TRIM67: variants seen among roughly 807,000 people sequenced by gnomAD.
TRIM67 encodes tripartite motif-containing protein 67.
TRIM67 carries 39 observed loss-of-function variants against 71.0 expected under a neutral mutation model. The ratio of observed to expected loss-of-function variants is 0.55; its 90% CI spans 0.43 to 0.72. The LOEUF is 0.72. Ranked by LOEUF, TRIM67 falls within the 30% of genes least tolerant of loss-of-function variation. The pLI, the probability that TRIM67 is intolerant of heterozygous loss-of-function variation, is 0.00. For synonymous variants in TRIM67, 481 were observed against 473.9 expected (o/e 1.01, Z -0.19); for missense variants, 973 against 1,079.2 (o/e 0.90, Z 1.38).
intron 9 of TRIM67, among the ~76,000 whole-genome samples, chr1:231,214,416 A>G (rs770760879): frequency 3.3e-5 from 5 of 152,156 alleles, no homozygotes; most frequent in Non-Finnish European, 7.4e-5. Context: ...TGAGGAGTCT[A>G]CATCAATCAC....
intron 9 of TRIM67, 131 bp downstream of exon 9, chr1:231,214,108 A>C: frequency 8.7e-7 from 1 of 1,153,480 alleles, no homozygotes; most frequent in Non-Finnish European, 1.2e-6. Context: ...GAGCTTATCA[A>C]CTGGCCTGCC....
In TRIM67 at chr1:231,216,913, C is replaced by A; in HGVS notation, c.*1473C>A. Reference sequence around the variant, plus strand: ...CCAGCTCCACCTGGTAGTAACATTTCTCTCTCCTTTTAAAAAGAATATATT... The same window carrying A: ...CCAGCTCCACCTGGTAGTAACATTTATCTCTCCTTTTAAAAAGAATATATT... On this transcript the variant is annotated 3_prime_UTR_variant, in exon 10 of 10. Coordinates refer to ENST00000366653, the MANE Select transcript of TRIM67 (RefSeq NM_001004342.5). The A allele has an allele frequency of 3.0e-6, 3 of 985,578 alleles. No homozygotes were observed. Among genetic ancestry groups the A allele is most frequent in the Non-Finnish European group, 3.6e-6 (3 of 829,950 alleles). The allele number at this position is 985,578 out of a possible 1,614,324, so 61.1% of individuals were successfully genotyped here.
At chr1:231,210,534 C>T (rs1683838739) in intron 8 of TRIM67, among the ~76,000 whole-genome samples, 1 of 151,278 alleles carries the variant, frequency 6.6e-6, no homozygotes, top group Admixed American at 6.6e-5. Context: ...CTCCCTCCCA[C>T]CCACAGAGGG....
Position 231,163,261 on chromosome 1 carries a change from C to A in TRIM67, c.292C>A (p.His98Asn). Residue 98 changes from histidine to asparagine, a missense_variant, in exon 1 of 10, where the codon CAC (histidine) becomes AAC (asparagine). Coordinates refer to ENST00000366653, the MANE Select transcript of TRIM67 (RefSeq NM_001004342.5). The part of the protein sequence containing the change: ...LGGGAGGGGD[H>N]ADKLSLYSET... ...CGGCGGTGCGGGAGGTGGCGGAGACCACGCGGACAAGCTCAGCTTGTACAG... is the reference window on the plus strand; with the variant it reads ...CGGCGGTGCGGGAGGTGGCGGAGACAACGCGGACAAGCTCAGCTTGTACAG... 1 of 1,514,032 alleles carries A rather than the reference C, an allele frequency of 6.6e-7. No individual in the cohort carries two copies. 93.8% of individuals were successfully genotyped at this position (1,514,032 alleles called of 1,614,324 possible).
intron 4 of TRIM67, among the ~76,000 whole-genome samples, chr1:231,201,101 C>A (rs936111590): frequency 6.6e-6 from 1 of 151,976 alleles, no homozygotes; most frequent in Non-Finnish European, 1.5e-5. Context: ...GTAGTGTTTG[C>A]GGCAATCTCT....
chr1:231,166,485 C>T lies in TRIM67; in HGVS notation c.1044+2472C>T, dbSNP rs374930317. Among the ~76,000 whole-genome samples the T allele has an allele frequency of 1.2e-4, 18 of 152,284 alleles. 1 individual carries two copies. In the East Asian group the frequency reaches 3.5e-3, roughly 29 times the overall value. ...CTTTTGAAAGACAAACTAGAACCCT[C>T]CATTAAGACTCCCACTGTTGGCAAT... On this transcript the variant is annotated intron_variant, in intron 1 of 9. Coordinates refer to ENST00000366653, the MANE Select transcript of TRIM67 (RefSeq NM_001004342.5).
At chr1:231,213,628 G>A (rs142745050) in intron 8 of TRIM67, among the ~76,000 whole-genome samples, 187 bp from the exon 9 acceptor site, 3,210 of 152,262 alleles carry the variant, frequency 0.021, 44 homozygotes, top group Non-Finnish European at 0.028. Flanking sequence ...CTACTCGGGA[G>A]GCTGAGGTGG....
chr1:231,202,065 A>G (rs796644129), intron 5 of TRIM67, among the ~76,000 whole-genome samples: 878 of 4,728 alleles, frequency 0.19, 6 homozygotes, highest in Middle Eastern at 0.33. Context: ...GGAGGAGGAG[A>G]TGGAGGAGGA....
chr1:231,181,165 C>T (rs1682896264), intron 1 of TRIM67, among the ~76,000 whole-genome samples: 2 of 152,146 alleles, frequency 1.3e-5, no homozygotes, highest in African/African-American at 4.8e-5. Context: ...GAGGTTTTAC[C>T]ACGTTGGCCA....
chr1:231,167,317 G>GTTTTTTTTTTTTTTTTTTTTTTT (rs1340006817), intron 1 of TRIM67, among the ~76,000 whole-genome samples: 1 of 66,768 alleles, frequency 1.5e-5, no homozygotes. Context: ...TCACTCTAAT[G>GTTTTTTTTTTTTTTTTTTTTTTT]TCTTTTTTTT....
intron 1 of TRIM67, among the ~76,000 whole-genome samples, chr1:231,183,159 T>TG (rs1682953711): frequency 6.6e-6 from 1 of 152,206 alleles, no homozygotes. Context: ...TCCACAAGCA[T>TG]GGACTATACC....
At chr1:231,202,901 T>C (rs1683590458) in intron 5 of TRIM67, among the ~76,000 whole-genome samples, 1 of 152,070 alleles carries the variant, frequency 6.6e-6, no homozygotes, top group Admixed American at 6.6e-5. Flanking sequence ...CAGATGCTGC[T>C]CCTAGCTGGA....
In TRIM67 at chr1:231,185,178, G is replaced by A. The variant is rs554824872; in HGVS notation, c.1045-12193G>A. Reference sequence around the variant, plus strand: ...AGCCAGCCAGCCTGTACTCCACGGCGTCCATTCCTGCACCTTCCACCCTTC... The same window carrying A: ...AGCCAGCCAGCCTGTACTCCACGGCATCCATTCCTGCACCTTCCACCCTTC... On this transcript the variant is annotated intron_variant, in intron 1 of 9. Transcript: ENST00000366653. 86 of 1,532,924 alleles carry A rather than the reference G, an allele frequency of 5.6e-5. No individual in the cohort carries two copies. The East Asian group carries it at 9.5e-4, about 17-fold the overall frequency. The allele number at this position is 1,532,924 out of a possible 1,614,324, so 95.0% of individuals were successfully genotyped here. A position where few individuals can be genotyped will look rare whatever the true frequency, so the allele number is the denominator to read the frequency against.
At chr1:231,187,387 C>T (rs1683112007) in intron 1 of TRIM67, 3 of 851,372 alleles carry the variant, frequency 3.5e-6, no homozygotes, top group African/African-American at 1.7e-5. Flanking sequence ...GGAGCCTCTA[C>T]CTTTTAATTT....
intron 1 of TRIM67, among the ~76,000 whole-genome samples, chr1:231,169,368 C>CTT (rs775082418): frequency 0.031 from 2,513 of 81,522 alleles, 91 homozygotes; most frequent in Non-Finnish European, 0.045. Context: ...ATTCTTTTCT[C>CTT]TTTTTTTTTT....
At chr1:231,169,198 C>T (rs1420898028) in intron 1 of TRIM67, among the ~76,000 whole-genome samples, 1 of 151,928 alleles carries the variant, frequency 6.6e-6, no homozygotes, top group Non-Finnish European at 1.5e-5. Context: ...GGATTACAGG[C>T]ATGTGCCACC....
At position 231,219,008 on chromosome 1, in the gene TRIM67, C is replaced by A. The variant is rs1425333434; in HGVS notation, c.*3568C>A. ...ATTGCAAGCGAAAGGCTTGGTCCCC[C>A]TGGGAAGGCGGGTTTCGGCACCGGT... On this transcript the variant is annotated 3_prime_UTR_variant, in exon 10 of 10. Coordinates refer to ENST00000366653, the MANE Select transcript of TRIM67 (RefSeq NM_001004342.5). 17 of 985,364 alleles carry A rather than the reference C, an allele frequency of 1.7e-5. No homozygotes were observed. The highest frequency in any genetic ancestry group is 2.0e-5 in the Non-Finnish European group (17 of 829,964). The allele number at this position is 985,364 out of a possible 1,614,324, so 61.0% of individuals were successfully genotyped here.
In TRIM67 at chr1:231,163,184, C is replaced by A. The variant is rs573732801; in HGVS notation, c.215C>A (p.Ala72Glu). Residue 72 changes from alanine (A) to glutamate (E), a missense_variant, in exon 1 of 10, where the codon GCG (alanine) becomes GAG (glutamate). Physicochemically the swap from Ala to Glu is moderately radical, Grantham distance 107 (BLOSUM62 -1). Coordinates refer to ENST00000366653, the MANE Select transcript of TRIM67 (RefSeq NM_001004342.5). ...GCTGCCTCTCTGGAGCACGACGCTG[C>A]GGCTGGCCCGGCCTGCGGCGGTGCA... ...AAAASLEHDA[A>E]AGPACGGAGG... 2.0e-6 allele frequency: 3 copies of A among 1,485,978 alleles called. No individual in the cohort carries two copies. Among genetic ancestry groups the A allele is most frequent in the African/African-American group, 1.4e-5 (1 of 69,098 alleles). 92.0% of individuals were successfully genotyped at this position (1,485,978 alleles called of 1,614,324 possible).
intron 1 of TRIM67, among the ~76,000 whole-genome samples, chr1:231,176,039 T>C (rs2102720657): frequency 6.6e-6 from 1 of 152,332 alleles, no homozygotes; most frequent in African/African-American, 2.4e-5. Flanking sequence ...AGCTAAAGTT[T>C]CCCAGTTAAA....
Sources: gnomAD v4.1 joint callset for allele counts (sites outside exome capture counted in the v4.1 genomes callset) on GRCh38, gnomAD v4.1.1 for gene constraint, MANE v1.5 for transcripts, NCBI Gene and HGNC (gene_info 2026-07-23, HGNC 2026-07-21) for gene names.